The following ME2 variants were observed in gnomAD, a reference collection of about 807,000 sequenced individuals.
ME2 encodes the protein malic enzyme 2.
In ME2, 60 loss-of-function variants were observed where a neutral mutation model predicts 73.7. The ratio of observed to expected loss-of-function variants is 0.81; its 90% CI spans 0.66 to 1.01. ME2 has a LOEUF of 1.01. Among genes scored for constraint, ME2 ranks in the 50% least tolerant of loss-of-function variants. The probability of loss-of-function intolerance (pLI) is 0.00; values close to 1 mark genes in which losing one functional copy is unlikely to be tolerated. For missense variants in ME2, 594 were observed against 705.5 expected (o/e 0.84, Z 1.79); for synonymous variants, 199 against 236.9 (o/e 0.84, Z 1.47).
At chr18:50,886,283 G>C (rs1225460543) in intron 1 of ME2, among the ~76,000 whole-genome samples, 1 of 146,468 alleles carries the variant, frequency 6.8e-6, no homozygotes, top group Non-Finnish European at 1.5e-5. Flanking sequence ...TCACTCCGTT[G>C]CCCAGGCTGG....
rs557247586 is a variant in ME2 at position 50,927,254 on chromosome 18, A to G, written c.1314+1356A>G. ...AGTGATTTTTAAAGGCTTGTTTACA[A>G]TGATGTCTAGCAGCTATAATTGCTA... On this transcript the variant is annotated intron_variant, in intron 12 of 15. Transcript: ENST00000321341. 7.2e-5 allele frequency among the ~76,000 whole-genome samples: 11 copies of G among 152,308 alleles called. No individual in the cohort carries two copies. In the East Asian group the frequency reaches 1.5e-3, roughly 21 times the overall value.
chr18:50,882,278 G>A (rs779158962), intron 1 of ME2, among the ~76,000 whole-genome samples: 10 of 152,092 alleles, frequency 6.6e-5, no homozygotes, highest in Non-Finnish European at 1.5e-4. Flanking sequence ...GGGATTACAG[G>A]TGTTCGCCAC....
chr18:50,918,126 C>T lies in ME2; in HGVS notation c.647C>T (p.Pro216Leu). 6.3e-7 allele frequency: 1 copy of T among 1,594,244 alleles called. No homozygotes were observed. The highest frequency in any genetic ancestry group is 1.1e-5 in the South Asian group (1 of 87,288). ...ATTTTGTAGGCACTCTTAAAAGACC[C>T]ATTTTACATGGGCTTGTACCAGAAA... ...GTDNIALLKD[P>L]FYMGLYQKRD... is the part of the protein sequence containing the mutation. The change falls in exon 7 of 16, where the codon CCA becomes CTA. Residue 216 changes from proline (P) to leucine (L), a missense_variant. Coordinates refer to ENST00000321341, the MANE Select transcript of ME2 (RefSeq NM_002396.5).
chr18:50,934,067 T>C (rs1737064994), intron 13 of ME2: 1 of 152,198 alleles, frequency 6.6e-6, no homozygotes, highest in African/African-American at 2.4e-5. Context: ...ATTTACTTTA[T>C]CCAGTTTACC....
intron 12 of ME2, among the ~76,000 whole-genome samples, chr18:50,930,888 G>C (rs1421019738): frequency 6.6e-6 from 1 of 152,182 alleles, no homozygotes; most frequent in Non-Finnish European, 1.5e-5. Flanking sequence ...GCTATCCATA[G>C]AATAGGTAGA....
intron 2 of ME2, among the ~76,000 whole-genome samples, chr18:50,905,726 A>C (rs1917003126): frequency 1.3e-5 from 2 of 152,214 alleles, no homozygotes; most frequent in Admixed American, 1.3e-4. Context: ...ATAGAAATAA[A>C]TGTCTGGATT....
At chr18:50,921,512 A>C (rs1431017854) in intron 10 of ME2, among the ~76,000 whole-genome samples, 1 of 152,224 alleles carries the variant, frequency 6.6e-6, no homozygotes, top group African/African-American at 2.4e-5. Context: ...GGAACTGAGA[A>C]CTTCCTAATT....
intron 12 of ME2, among the ~76,000 whole-genome samples, chr18:50,930,893 G>A (rs751806377): frequency 1.3e-5 from 2 of 152,172 alleles, no homozygotes; most frequent in Non-Finnish European, 2.9e-5. Context: ...CCATAGAATA[G>A]GTAGAAAATG....
intron 1 of ME2, among the ~76,000 whole-genome samples, chr18:50,882,754 G>A (rs1184889335): frequency 6.6e-6 from 1 of 152,128 alleles, no homozygotes. Context: ...TTCGAGACCA[G>A]CCTGCCCAAC....
chr18:50,917,330 A>T lies in ME2; in HGVS notation c.469-17A>T. On this transcript the variant is annotated splice_polypyrimidine_tract_variant and intron_variant, in intron 5 of 15. Coordinates refer to ENST00000321341, the MANE Select transcript of ME2 (RefSeq NM_002396.5). Reference sequence around the variant, plus strand: ...CCATTTTTGACAACTTTTAATTTGCATTTTTTTGTGATTAAGGCTGTTGTA... The same window carrying T: ...CCATTTTTGACAACTTTTAATTTGCTTTTTTTTGTGATTAAGGCTGTTGTA... 6.3e-7 allele frequency: 1 copy of T among 1,588,702 alleles called. No individual in the cohort carries two copies. Among genetic ancestry groups the T allele is most frequent in the Non-Finnish European group, 8.6e-7 (1 of 1,165,064 alleles).
At chr18:50,934,569 G>A (rs1917772677) in intron 13 of ME2, 1 of 152,104 alleles carries the variant, frequency 6.6e-6, no homozygotes, top group African/African-American at 2.4e-5. Flanking sequence ...GATCGCATGA[G>A]CCTGGGAGGT....
chr18:50,880,437 G>A (rs1035189809), intron 1 of ME2, among the ~76,000 whole-genome samples: 2 of 152,120 alleles, frequency 1.3e-5, no homozygotes, highest in Non-Finnish European at 2.9e-5. Flanking sequence ...CCATAATTTT[G>A]ATTTTCAATT....
At chr18:50,938,604 G>A (rs558141917) in intron 13 of ME2, among the ~76,000 whole-genome samples, 186 of 152,320 alleles carry the variant, frequency 1.2e-3, no homozygotes, top group African/African-American at 4.4e-3. Flanking sequence ...TCTTCAGAAA[G>A]CCTTGGGAGA....
At chr18:50,918,039 G>C in intron 6 of ME2, 71 bp from the exon 7 acceptor site, 1 of 938,452 alleles carries the variant, frequency 1.1e-6, no homozygotes, top group Non-Finnish European at 1.5e-6. Context: ...TTTTTATTTT[G>C]CAATTTTTAT....
chr18:50,913,860 T>TATACACACACAC (rs112137080), intron 4 of ME2, among the ~76,000 whole-genome samples: 5,077 of 143,202 alleles, frequency 0.035, 115 homozygotes, highest in South Asian at 0.045. Flanking sequence ...AGCAATATTA[T>TATACACACACAC]ACACACACAC....
Position 50,951,358 on chromosome 18 carries a change from C to T in ME2, c.*4174C>T, listed in dbSNP as rs368029414. 17 of 152,190 alleles carry T rather than the reference C, an allele frequency of 1.1e-4. No homozygotes were observed. Among genetic ancestry groups the T allele is most frequent in the African/African-American group, 3.4e-4 (14 of 41,522 alleles). 9.4% of individuals were successfully genotyped at this position (152,190 alleles called of 1,614,324 possible). A position where few individuals can be genotyped will look rare whatever the true frequency, so the allele number is the denominator to read the frequency against. ...ACAGAAAACCCAAAAGGGATGGTGG[C>T]GGAGTGAAGAAAGCCTTGCCTTGGG... On this transcript the variant is annotated 3_prime_UTR_variant, in exon 16 of 16. Transcript: ENST00000321341.
At chr18:50,944,233 A>G (rs1918031128) in intron 15 of ME2, among the ~76,000 whole-genome samples, 1 of 152,078 alleles carries the variant, frequency 6.6e-6, no homozygotes. Flanking sequence ...AAAAAGAGAG[A>G]GAAATAATTG....
chr18:50,946,351 G>A (rs1343121106), intron 15 of ME2, among the ~76,000 whole-genome samples: 9 of 152,178 alleles, frequency 5.9e-5, no homozygotes, highest in Admixed American at 2.6e-4. Context: ...CTAATATCTA[G>A]ACTCAGAATG....
chr18:50,928,886 G>A (rs1438875996), intron 12 of ME2, among the ~76,000 whole-genome samples: 2 of 152,098 alleles, frequency 1.3e-5, no homozygotes, highest in Non-Finnish European at 2.9e-5. Context: ...GAAATCAGCA[G>A]TCATCTTGAG....
Sources: gnomAD v4.1 joint callset for allele counts (sites outside exome capture counted in the v4.1 genomes callset) on GRCh38, gnomAD v4.1.1 for gene constraint, MANE v1.5 for transcripts, NCBI Gene and HGNC (gene_info 2026-07-23, HGNC 2026-07-21) for gene names.